MYH7B: variants seen among roughly 807,000 people sequenced by gnomAD.
The protein encoded by MYH7B is myosin-7B.
In MYH7B, 205 loss-of-function variants were observed where a neutral mutation model predicts 234.5. That is an observed-to-expected ratio of 0.87 (90% confidence interval 0.78 to 0.98). MYH7B has a LOEUF of 0.98. Among genes scored for constraint, MYH7B ranks in the 50% least tolerant of loss-of-function variants. The pLI, the probability that MYH7B is intolerant of heterozygous loss-of-function variation, is 0.00. For synonymous variants in MYH7B, 1,193 were observed against 1,105.0 expected, an observed-to-expected ratio of 1.08 and a Z score of -1.58; for missense variants, 2,652 against 2,633.4, an observed-to-expected ratio of 1.01 and a Z score of -0.15.
rs571803346 is a variant in MYH7B, at chr20:34,996,480, G to A, written c.3078G>A (p.Ala1026=). 6.3e-5 allele frequency: 102 copies of A among 1,612,652 alleles called. 1 individual carries two copies. Among genetic ancestry groups the A allele is most frequent in the Admixed American group, 1.8e-4 (11 of 59,716 alleles). ...AGGCCGAGGAGGACCGTGTGAGCGC[G>A]CTGACCAAGGCCAAGCTCCGGCTGG... is the stretch of plus-strand genomic sequence containing the variant. Residue 1026 remains alanine, a synonymous_variant, in exon 29 of 45, where the codon GCG becomes GCA. Coordinates refer to ENST00000262873, the Ensembl canonical transcript of MYH7B.
At position 34,999,793 on chromosome 20, in the gene MYH7B, G is replaced by A. The variant is rs80109502; in HGVS notation, c.4668G>A (p.Gly1556=). ...CCCTGCCTGCTCTGTATCCACAGGG[G>A]GCCCTGGAGCTGGAGGAGACCAAGA... The change falls in exon 38 of 45, where the codon GGG becomes GGA. Residue 1556 remains glycine, a splice_region_variant and synonymous_variant. Transcript: ENST00000262873. 0.091 allele frequency: 143,164 copies of A among 1,578,584 alleles called. 6,991 individuals are homozygous for A. The highest frequency in any genetic ancestry group is 0.15 in the South Asian group (13,271 of 90,086).
chr20:34,962,703 C>A (rs1227289433), intron 2 of MYH7B, among the ~76,000 whole-genome samples: 1 of 152,184 alleles, frequency 6.6e-6, no homozygotes, highest in African/African-American at 2.4e-5. Context: ...TCATAGCTCA[C>A]TGCAGCCTTG....
chr20:34,999,828 T>C, exon 38 of MYH7B: 2 of 1,510,734 alleles, frequency 1.3e-6, no homozygotes, highest in Non-Finnish European at 1.8e-6. Flanking sequence ...ACGCTGCGGA[T>C]CCAGCTGGAG....
At chr20:34,997,520 G>A in exon 32 of MYH7B, 2 of 1,603,920 alleles carry the variant, frequency 1.2e-6, no homozygotes, top group Non-Finnish European at 1.7e-6. Context: ...GCGCGGCGGA[G>A]CTGGGGGAGC....
intron 26 of MYH7B, among the ~76,000 whole-genome samples, chr20:34,993,888 C>T (rs1164354321): frequency 6.6e-6 from 1 of 152,238 alleles, no homozygotes. Context: ...CCGCTGACTC[C>T]AGAGCCCCGT....
At chr20:34,962,721 C>T (rs916450074) in intron 2 of MYH7B, among the ~76,000 whole-genome samples, 6 of 152,110 alleles carry the variant, frequency 3.9e-5, no homozygotes, top group African/African-American at 4.8e-5. Flanking sequence ...TTGAACTCCT[C>T]GGTTCAAGGG....
intron 2 of MYH7B, among the ~76,000 whole-genome samples, chr20:34,962,931 C>T (rs1201161382): frequency 6.6e-6 from 1 of 152,202 alleles, no homozygotes; most frequent in Non-Finnish European, 1.5e-5. Context: ...AAACCCATCT[C>T]TACTAAAAAT....
rs758607689 is a variant in MYH7B, at chr20:34,998,293, A to G, written c.3748-2A>G. 6.2e-7 allele frequency: 1 copy of G among 1,613,828 alleles called. No individual in the cohort carries two copies. The highest frequency in any genetic ancestry group is 8.5e-7 in the Non-Finnish European group (1 of 1,179,976). On this transcript the variant is annotated splice_acceptor_variant, in intron 32 of 44. Transcript: ENST00000262873. LOFTEE classifies it high-confidence loss of function. ...CCCCTGACTCCCAACCTGGGATCCT[A>G]GGCCAGTGCAGAGAAGCTGTGCCGG... is the stretch of plus-strand genomic sequence containing the variant.
chr20:35,001,886 C>A, intron 43 of MYH7B, 62 bp from the exon 44 acceptor site: 1 of 1,568,180 alleles, frequency 6.4e-7, no homozygotes, highest in Non-Finnish European at 8.7e-7. Context: ...TGGACTGGGG[C>A]AGGGACCAGA....
At chr20:34,980,026 G>T (rs75549021) in intron 7 of MYH7B, 9 of 583,064 alleles carry the variant, frequency 1.5e-5, no homozygotes, top group African/African-American at 1.5e-4. Flanking sequence ...TGGGACCTTA[G>T]GGGAGCAGCT....
Position 34,979,835 on chromosome 20 carries a change from T to TG in MYH7B, c.342+35dup. The TG allele has an allele frequency of 1.9e-6, 3 of 1,584,936 alleles. No homozygotes were observed. In the East Asian group the frequency reaches 6.8e-5, roughly 36 times the overall value. The stretch of plus-strand genomic sequence containing the variant: ...CCCCAGGCCCGGGCCATGGGCGGGG[T>TG]GGGGCTTGTATGTGGGGCGGGGCTA... On this transcript the variant is annotated intron_variant, in intron 7 of 44. Coordinates refer to ENST00000262873, the Ensembl canonical transcript of MYH7B.
intron 10 of MYH7B, among the ~76,000 whole-genome samples, chr20:34,983,044 A>T (rs955659201): frequency 6.6e-6 from 1 of 152,182 alleles, no homozygotes; most frequent in African/African-American, 2.4e-5. Context: ...TTCTGAAACA[A>T]TGGGGCCAAG....
At position 35,000,267 on chromosome 20, in the gene MYH7B, C is replaced by T. The variant is rs751602267; in HGVS notation, c.4782-26C>T. 1.0e-4 allele frequency: 161 copies of T among 1,544,254 alleles called. 1 individual carries two copies. The South Asian group carries it at 1.7e-3, about 16-fold the overall frequency. On this transcript the variant is annotated intron_variant, in intron 38 of 44. Transcript: ENST00000262873. ...GGACAGGTATGCCCTTACGAGACCCCCTTTCATGCCACCCTCCTCCCATAG... is the reference window on the plus strand; with the variant it reads ...GGACAGGTATGCCCTTACGAGACCCTCTTTCATGCCACCCTCCTCCCATAG...
chr20:35,001,328 T>C (rs777997763), exon 42 of MYH7B: 6 of 1,611,018 alleles, frequency 3.7e-6, no homozygotes, highest in Admixed American at 1.7e-5. Flanking sequence ...ATGAGCGCCG[T>C]GTCAAGGAGC....
chr20:34,979,318 C>A, intron 5 of MYH7B, 72 bp from the exon 6 acceptor site: 1 of 1,227,584 alleles, frequency 8.1e-7, no homozygotes, highest in Non-Finnish European at 1.2e-6. Context: ...GATACCATGG[C>A]TTGGGAACTC....
intron 14 of MYH7B, 105 bp from the exon 15 acceptor site, chr20:34,986,781 C>A: frequency 1.1e-6 from 1 of 882,754 alleles, no homozygotes. Flanking sequence ...GGGCCCTAGA[C>A]TCCTGCTGGG....
At chr20:34,984,830 A>AC (rs751012043) in intron 11 of MYH7B, 24 bp from the exon 12 acceptor site, 2 of 1,603,658 alleles carry the variant, frequency 1.2e-6, no homozygotes, top group East Asian at 2.2e-5. Context: ...GAACTGACAG[A>AC]CCCCCTCACC....
exon 24 of MYH7B, chr20:34,991,101 C>T (rs572414063): frequency 2.4e-5 from 38 of 1,611,144 alleles, no homozygotes; most frequent in Non-Finnish European, 3.1e-5. Flanking sequence ...ACAGGTTGCT[C>T]TACACCGACT....
chr20:35,001,268 T>G, exon 42 of MYH7B: 1 of 1,612,112 alleles, frequency 6.2e-7, no homozygotes, highest in Non-Finnish European at 8.5e-7. Flanking sequence ...AGGCTGAGCT[T>G]GATGCAGAGC....
Sources: allele counts gnomAD v4.1 joint callset (sites outside exome capture counted in the v4.1 genomes callset), GRCh38; gene constraint gnomAD v4.1.1; transcripts MANE v1.5; gene names NCBI Gene and HGNC (gene_info 2026-07-23, HGNC 2026-07-21).